RUFY3: variants seen among roughly 807,000 people sequenced by gnomAD.
RUFY3 encodes the protein protein RUFY3.
RUFY3 carries 34 observed loss-of-function variants against 84.0 expected under a neutral mutation model. The observed-to-expected ratio is 0.40, with a 90% confidence interval of 0.31 to 0.54. RUFY3 has a LOEUF of 0.54. Ranked by LOEUF, RUFY3 falls within the 20% of genes least tolerant of loss-of-function variation. The pLI is 0.39. For synonymous variants in RUFY3, 242 were observed against 252.9 expected (o/e 0.96, Z 0.41); for missense variants, 507 against 736.8 (o/e 0.69, Z 3.61).
At chr4:70,752,011 C>T (rs1458048217) in intron 1 of RUFY3, among the ~76,000 whole-genome samples, 5 of 152,146 alleles carry the variant, frequency 3.3e-5, no homozygotes, top group Non-Finnish European at 4.4e-5. Flanking sequence ...GAACTCCTGA[C>T]CTCAAGTGAT....
At chr4:70,776,594 G>C (rs1372488237) in intron 7 of RUFY3, among the ~76,000 whole-genome samples, 1 of 152,134 alleles carries the variant, frequency 6.6e-6, no homozygotes, top group Admixed American at 6.5e-5. Context: ...CTAACACGGT[G>C]AAACCCCATC....
intron 10 of RUFY3, among the ~76,000 whole-genome samples, chr4:70,787,036 A>G (rs1729928225): frequency 6.6e-6 from 1 of 151,178 alleles, no homozygotes. Context: ...CATGCTTGAT[A>G]GTACATGCCT....
intron 1 of RUFY3, among the ~76,000 whole-genome samples, chr4:70,735,893 C>T (rs1477494694): frequency 6.6e-6 from 1 of 151,952 alleles, no homozygotes; most frequent in Non-Finnish European, 1.5e-5. Context: ...GAGGCTGAGG[C>T]AGGAGAATTG....
intron 1 of RUFY3, among the ~76,000 whole-genome samples, chr4:70,716,154 T>C (rs574259704): frequency 6.6e-6 from 1 of 152,126 alleles, no homozygotes; most frequent in Admixed American, 6.5e-5. Context: ...GTTTTTGTTA[T>C]TGTTTTTTTG....
upstream of RUFY3, chr4:70,704,798 C>A: frequency 1.9e-6 from 1 of 537,720 alleles, no homozygotes; most frequent in Non-Finnish European, 2.7e-6. Flanking sequence ...CAGGCGCCAG[C>A]CCGTGGCCGA....
intron 1 of RUFY3, among the ~76,000 whole-genome samples, chr4:70,706,021 C>T (rs1302134394): frequency 6.6e-6 from 1 of 152,138 alleles, no homozygotes; most frequent in East Asian, 1.9e-4. Flanking sequence ...CACGCGAGCG[C>T]TCTGAATGCA....
At chr4:70,762,484 T>C (rs181302452) in intron 1 of RUFY3, 35 bp from the exon 2 acceptor site, 135 of 1,563,432 alleles carry the variant, frequency 8.6e-5, no homozygotes, top group Non-Finnish European at 1.7e-6. Flanking sequence ...CTATTTCTAG[T>C]AACCAGCCTT....
chr4:70,750,571 A>C (rs1468642505), intron 1 of RUFY3, among the ~76,000 whole-genome samples: 1 of 152,222 alleles, frequency 6.6e-6, no homozygotes, highest in Non-Finnish European at 1.5e-5. Flanking sequence ...ACCACTTTAA[A>C]GTGTACAATT....
At chr4:70,777,992 G>T (rs80330741) in intron 7 of RUFY3, among the ~76,000 whole-genome samples, 10,377 of 152,170 alleles carry the variant, frequency 0.068, 549 homozygotes, top group East Asian at 0.2. Context: ...AGCACTCTGG[G>T]AGGCCGAGGC....
chr4:70,728,121 A>G (rs1485987640), intron 1 of RUFY3, among the ~76,000 whole-genome samples: 2 of 152,244 alleles, frequency 1.3e-5, no homozygotes, highest in African/African-American at 2.4e-5. Flanking sequence ...TGAAAATACC[A>G]TAAAATGAAA....
rs141426974 is a variant in RUFY3 at position 70,744,250 on chromosome 4, G to A, written c.179-18269G>A. ...GTATCACTCTGTTGCCCAGGCTGGA[G>A]TGCAGTGGCATGATCATAGCTTCCT... On this transcript the variant is annotated intron_variant, in intron 1 of 17. Coordinates refer to ENST00000381006, the MANE Select transcript of RUFY3 (RefSeq NM_001037442.4). Among the ~76,000 whole-genome samples the A allele has an allele frequency of 2.7e-3, 416 of 151,932 alleles. 3 individuals carry two copies. Among genetic ancestry groups the A allele is most frequent in the African/African-American group, 9.7e-3 (401 of 41,426 alleles).
chr4:70,736,035 A>G (rs1434592802), intron 1 of RUFY3, among the ~76,000 whole-genome samples: 2 of 151,788 alleles, frequency 1.3e-5, no homozygotes, highest in African/African-American at 4.8e-5. Flanking sequence ...GGTCCCAGCT[A>G]CTCAGGAGGC....
chr4:70,764,373 T>G, intron 3 of RUFY3, 102 bp from the exon 4 acceptor site: 1 of 796,280 alleles, frequency 1.3e-6, no homozygotes, highest in Non-Finnish European at 2.1e-6. Context: ...AGTGTGCTTG[T>G]TACACTGGAA....
chr4:70,733,045 C>CAACAGAG (rs1346511173), intron 1 of RUFY3, among the ~76,000 whole-genome samples: 1 of 137,214 alleles, frequency 7.3e-6, no homozygotes, highest in Non-Finnish European at 1.5e-5. Flanking sequence ...CTAACCTGGG[C>CAACAGAG]AACAGAGTGA....
chr4:70,785,687 A>C (rs1729671414), intron 10 of RUFY3, among the ~76,000 whole-genome samples: 1 of 151,602 alleles, frequency 6.6e-6, no homozygotes, highest in South Asian at 2.1e-4. Flanking sequence ...AAAAAAAAAA[A>C]TCAGCCGGGC....
At chr4:70,766,897 G>C (rs1726033418) in intron 4 of RUFY3, among the ~76,000 whole-genome samples, 1 of 151,956 alleles carries the variant, frequency 6.6e-6, no homozygotes, top group African/African-American at 2.4e-5. Context: ...TCATCTCTCT[G>C]TCCTCCAACC....
chr4:70,721,949 C>A (rs1467944731), upstream of RUFY3: 1 of 1,232,048 alleles, frequency 8.1e-7, no homozygotes, highest in South Asian at 4.1e-5. Flanking sequence ...TCACATGAGC[C>A]TGAATTTTCA....
At chr4:70,725,738 C>T (rs1372541310) in intron 1 of RUFY3, among the ~76,000 whole-genome samples, 1 of 152,178 alleles carries the variant, frequency 6.6e-6, no homozygotes, top group Non-Finnish European at 1.5e-5. Flanking sequence ...GGAGAAGGGT[C>T]AGGAGAGGCT....
chr4:70,713,308 C>T (rs922158880), intron 1 of RUFY3, among the ~76,000 whole-genome samples: 2 of 152,186 alleles, frequency 1.3e-5, no homozygotes, highest in Non-Finnish European at 2.9e-5. Context: ...CAGGCGTGAG[C>T]CACCATGCCT....
Sources: allele counts gnomAD v4.1 joint callset (sites outside exome capture counted in the v4.1 genomes callset), GRCh38; gene constraint gnomAD v4.1.1; transcripts MANE v1.5; gene names NCBI Gene and HGNC (gene_info 2026-07-23, HGNC 2026-07-21).